Variants in KCNT1 observed in about 807,000 individuals in gnomAD.
KCNT1 encodes potassium channel subfamily T member 1.
KCNT1 carries 78 observed loss-of-function variants against 147.8 expected under a neutral mutation model. That is an observed-to-expected ratio of 0.53 (90% CI 0.44 to 0.64). The LOEUF (loss-of-function observed/expected upper bound fraction) is 0.64. Among genes scored for constraint, KCNT1 ranks in the 30% least tolerant of loss-of-function variants. KCNT1 has a pLI of 0.00. For missense variants in KCNT1, 1,419 were observed against 1,750.3 expected, an observed-to-expected ratio of 0.81 and a Z score of 3.38; for synonymous variants, 867 against 748.8, an observed-to-expected ratio of 1.16 and a Z score of -2.58.
At chr9:135,708,724 T>C (rs1011252225) in intron 1 of KCNT1, among the ~76,000 whole-genome samples, 1 of 152,198 alleles carries the variant, frequency 6.6e-6, no homozygotes, top group South Asian at 2.1e-4. Context: ...TTGTTATTTT[T>C]TGTAGAGGAA....
chr9:135,752,625 T>TGATG lies in KCNT1; in HGVS notation c.435-1301_435-1298dup, dbSNP rs566726485. 9.6e-4 allele frequency among the ~76,000 whole-genome samples: 144 copies of TGATG among 150,760 alleles called. No individual in the cohort carries two copies. Among genetic ancestry groups the TGATG allele is most frequent in the African/African-American group, 3.4e-3 (137 of 40,862 alleles). ...GATGGATGGTTGGATGGATGGTGGA[T>TGATG]GATGGATGGATGGACGGACGGACGG... On this transcript the variant is annotated intron_variant, in intron 4 of 30. Transcript: ENST00000371757. The surrounding 1 kb of genome is among the most constrained non-coding windows in gnomAD (Gnocchi z 5.1).
At chr9:135,778,538 C>T (rs368531411) in intron 22 of KCNT1, 43 bp downstream of exon 22, 195 of 1,601,936 alleles carry the variant, frequency 1.2e-4, no homozygotes, top group Middle Eastern at 1.7e-4. Context: ...TCCACACCCA[C>T]CCCTCCCCTC....
intron 2 of KCNT1, among the ~76,000 whole-genome samples, chr9:135,743,256 G>A (rs1396387302): frequency 6.6e-6 from 1 of 152,122 alleles, no homozygotes; most frequent in Non-Finnish European, 1.5e-5. Context: ...GGGCTCTGCC[G>A]GTGGTGCTTC....
At chr9:135,723,792 G>C (rs1246796703) in intron 2 of KCNT1, among the ~76,000 whole-genome samples, 2 of 152,230 alleles carry the variant, frequency 1.3e-5, no homozygotes, top group Non-Finnish European at 2.9e-5. Flanking sequence ...TTCAGTGCCA[G>C]GCCACCCCTC....
chr9:135,702,509 C>T, intron 1 of KCNT1, 141 bp downstream of exon 1: 2 of 703,632 alleles, frequency 2.8e-6, no homozygotes, highest in South Asian at 1.7e-5. Context: ...GAGTGCCCTC[C>T]CAACCACCTT....
At chr9:135,762,971 T>C (rs1316565165) in intron 11 of KCNT1, among the ~76,000 whole-genome samples, 3 of 152,122 alleles carry the variant, frequency 2.0e-5, no homozygotes, top group African/African-American at 7.2e-5. Context: ...CACAGTGGGG[T>C]CCCTCAGATC....
intron 21 of KCNT1, 85 bp from the exon 22 acceptor site, chr9:135,778,337 CTG>C (rs1833329837): frequency 5.6e-6 from 7 of 1,258,050 alleles, no homozygotes; most frequent in Non-Finnish European, 7.8e-6. Flanking sequence ...TGGCCCAGCT[CTG>C]TGCATGGAGG....
chr9:135,745,835 G>A (rs1041138957), intron 2 of KCNT1, among the ~76,000 whole-genome samples: 6 of 152,198 alleles, frequency 3.9e-5, no homozygotes, highest in Admixed American at 2.0e-4. Flanking sequence ...TCTGGCTGCC[G>A]GGCCGGGAGC....
intron 3 of KCNT1, 138 bp from the exon 4 acceptor site, chr9:135,750,802 CAG>C (rs1323729352): frequency 2.7e-6 from 2 of 729,848 alleles, no homozygotes; most frequent in Admixed American, 2.1e-5. Context: ...GCAGGGCACA[CAG>C]AGCTCTGCGT....
chr9:135,751,445 T>C (rs2131413091), intron 4 of KCNT1, among the ~76,000 whole-genome samples: 1 of 152,138 alleles, frequency 6.6e-6, no homozygotes, highest in Non-Finnish European at 1.5e-5. Context: ...GGGTGTCTTC[T>C]ACCCCTCCTG....
Position 135,768,878 on chromosome 9 carries a change from A to G in KCNT1, c.1451A>G (p.Asn484Ser), listed in dbSNP as rs1424563729. ...RAWAVKDFAP[N>S]CPLYVQILKP... is the part of the protein sequence containing the mutation. Reference sequence around the variant, plus strand: ...TGGGCCGTGAAGGACTTCGCCCCCAACTGCCCCCTCTACGTCCAGATCCTC... The same window carrying G: ...TGGGCCGTGAAGGACTTCGCCCCCAGCTGCCCCCTCTACGTCCAGATCCTC... Residue 484 changes from asparagine to serine, a missense_variant, in exon 15 of 31, where the codon AAC becomes AGC. Asn to Ser is a conservative substitution (Grantham distance 46). Around this residue, in one of 5 missense-constraint regions of KCNT1, gnomAD observed 401 missense variants for 610.6 expected, o/e 0.66. Coordinates refer to ENST00000371757, the MANE Select transcript of KCNT1 (RefSeq NM_020822.3). 5.0e-6 allele frequency: 8 copies of G among 1,613,236 alleles called. No individual in the cohort carries two copies. Among genetic ancestry groups the G allele is most frequent in the Non-Finnish European group, 5.1e-6 (6 of 1,179,894 alleles).
chr9:135,718,834 C>T (rs779986491), intron 2 of KCNT1, among the ~76,000 whole-genome samples: 3 of 152,236 alleles, frequency 2.0e-5, no homozygotes, highest in Non-Finnish European at 2.9e-5. Context: ...CAGCCTCCAT[C>T]GCCCGTGGCC....
chr9:135,709,288 G>GACCT (rs1371619369), intron 1 of KCNT1, among the ~76,000 whole-genome samples: 1 of 152,202 alleles, frequency 6.6e-6, no homozygotes, highest in Admixed American at 6.5e-5. Flanking sequence ...GGCTCACAGA[G>GACCT]ACCTGTGCCT....
rs374653926 is a variant in KCNT1 at position 135,765,632 on chromosome 9, C to T, written c.1209C>T (p.Tyr403=). The part of the protein sequence containing the change: ...FYAHPRLQDY[Y]VVILCPTEMD... Reference sequence around the variant, plus strand: ...CTCCGCCTGGCCGGCAGGACTATTACGTGGTCATCCTGTGCCCCACGGAGA... The same window carrying T: ...CTCCGCCTGGCCGGCAGGACTATTATGTGGTCATCCTGTGCCCCACGGAGA... Residue 403 remains tyrosine, a synonymous_variant, in exon 13 of 31, where the codon TAC becomes TAT. Transcript: ENST00000371757. The T allele has an allele frequency of 1.6e-5, 26 of 1,609,836 alleles. No homozygotes were observed. The highest frequency in any genetic ancestry group is 4.5e-5 in the East Asian group (2 of 44,818).
intron 2 of KCNT1, among the ~76,000 whole-genome samples, chr9:135,735,886 C>T (rs966124222): frequency 1.3e-5 from 2 of 152,212 alleles, no homozygotes; most frequent in African/African-American, 4.8e-5. Context: ...CCGGCTGTTA[C>T]CTGCCTGTCA....
chr9:135,783,098 G>A (rs2131565642), intron 24 of KCNT1, among the ~76,000 whole-genome samples: 1 of 152,342 alleles, frequency 6.6e-6, no homozygotes, highest in Non-Finnish European at 1.5e-5. Flanking sequence ...CCAGGGTTGG[G>A]GCCCTCCGCT....
intron 2 of KCNT1, among the ~76,000 whole-genome samples, chr9:135,747,486 C>G (rs1830895614): frequency 6.6e-6 from 1 of 152,118 alleles, no homozygotes; most frequent in African/African-American, 2.4e-5. Flanking sequence ...CTGCCTGCCC[C>G]CCTGACATGG....
At chr9:135,739,922 T>A (rs1830494618) in intron 2 of KCNT1, among the ~76,000 whole-genome samples, 1 of 152,110 alleles carries the variant, frequency 6.6e-6, no homozygotes, top group African/African-American at 2.4e-5. Context: ...GGGTGTTTGC[T>A]GGGCCCACAC....
chr9:135,775,491 CTT>C, intron 20 of KCNT1, 76 bp downstream of exon 20: 5 of 1,081,008 alleles, frequency 4.6e-6, no homozygotes, highest in Non-Finnish European at 6.7e-6. Flanking sequence ...CCTGGTTTCT[CTT>C]TGGTCACTTT....
Sources: allele counts gnomAD v4.1 joint callset (sites outside exome capture counted in the v4.1 genomes callset), GRCh38; gene constraint gnomAD v4.1.1; regional missense constraint gnomAD v4.1.1; non-coding constraint Gnocchi (gnomAD v3.1); transcripts MANE v1.5; gene names NCBI Gene and HGNC (gene_info 2026-07-23, HGNC 2026-07-21).